Variants in PCDHA8 observed in about 807,000 individuals in gnomAD.
PCDHA8 encodes protocadherin alpha-8.
Under a neutral mutation model 61.8 loss-of-function variants are expected in PCDHA8, and 53 were observed. The ratio of observed to expected loss-of-function variants is 0.86; its 90% CI spans 0.69 to 1.08. PCDHA8 has a LOEUF of 1.08. PCDHA8 is among the 50% of genes least tolerant of loss of function. The pLI, the probability that PCDHA8 is intolerant of heterozygous loss-of-function variation, is 0.00. For synonymous variants in PCDHA8, 618 were observed against 556.6 expected (o/e 1.11, Z -1.55); for missense variants, 1,293 against 1,245.0 (o/e 1.04, Z -0.58).
chr5:140,982,120 T>C (rs1554243763), intron 2 of PCDHA8, among the ~76,000 whole-genome samples: 1 of 152,256 alleles, frequency 6.6e-6, no homozygotes, highest in Non-Finnish European at 1.5e-5. Context: ...CTTGGAACTT[T>C]TGAGAACAAG....
rs73793515 is a variant in PCDHA8 at position 140,889,833 on chromosome 5, T to C, written c.2394+46118T>C. ...TCAGGTCATAAGAAGTCTTACAGTA[T>C]GCTTTGGTCTCTGAGAATATTTGTT... On this transcript the variant is annotated intron_variant, in intron 1 of 3. Coordinates refer to ENST00000531613, the MANE Select transcript of PCDHA8 (RefSeq NM_018911.3). Among the ~76,000 whole-genome samples, 1,245 of 152,254 alleles carry C rather than the reference T, an allele frequency of 8.2e-3. 11 individuals are homozygous for C. The highest frequency in any genetic ancestry group is 0.029 in the African/African-American group (1,203 of 41,548).
At position 140,842,466 on chromosome 5, in the gene PCDHA8, A is replaced by G. The variant is rs1451214851; in HGVS notation, c.1145A>G (p.Asn382Ser). 6.2e-7 allele frequency: 1 copy of G among 1,613,794 alleles called. No individual in the cohort carries two copies. Among genetic ancestry groups the G allele is most frequent in the Non-Finnish European group, 8.5e-7 (1 of 1,179,854 alleles). ...GTGAACGACCTCGATTCAGGTGCCA[A>G]CGGGCAGGTGACCTGCTCCCTGATG... is the stretch of plus-strand genomic sequence containing the variant. ...ISVNDLDSGANGQVTCSLMPH... is the reference protein window; with the variant it reads ...ISVNDLDSGASGQVTCSLMPH... The change falls in exon 1 of 4, where the codon AAC (asparagine) becomes AGC (serine). Residue 382 changes from asparagine to serine, a missense_variant. Transcript: ENST00000531613.
chr5:140,926,825 G>T (rs937740656), intron 1 of PCDHA8: 2 of 1,499,696 alleles, frequency 1.3e-6, no homozygotes, highest in Admixed American at 4.7e-5. Flanking sequence ...CTCTCCAGGA[G>T]TCCGGAGCAT....
At position 140,936,850 on chromosome 5, in the gene PCDHA8, CTTCTCAGT is replaced by C. The variant is rs1421923207; in HGVS notation, c.2395-42094_2395-42087del. Among the ~76,000 whole-genome samples the C allele has an allele frequency of 3.1e-4, 47 of 152,208 alleles. 1 individual carries two copies. Among genetic ancestry groups the C allele is most frequent in the African/African-American group, 1.1e-3 (46 of 41,532 alleles). On this transcript the variant is annotated intron_variant, in intron 1 of 3. Coordinates refer to ENST00000531613, the MANE Select transcript of PCDHA8 (RefSeq NM_018911.3). ...ATTTCTATATAAATTGTAGATTCAG[CTTCTCAGT>C]TTCTATTTTAAAAAACCCTGCTTTG... is the stretch of plus-strand genomic sequence containing the variant.
intron 1 of PCDHA8, among the ~76,000 whole-genome samples, chr5:140,923,800 T>C (rs1235494729): frequency 2.0e-5 from 3 of 152,178 alleles, no homozygotes; most frequent in Non-Finnish European, 4.4e-5. Flanking sequence ...TTTTCACAAA[T>C]GAAATCTTCT....
chr5:140,890,434 T>C (rs1368664447), intron 1 of PCDHA8, among the ~76,000 whole-genome samples: 2 of 152,226 alleles, frequency 1.3e-5, no homozygotes, highest in Non-Finnish European at 2.9e-5. Flanking sequence ...ATATTTACAA[T>C]ACCTAGTGAT....
chr5:140,999,934 T>C (rs1236304987), intron 3 of PCDHA8, among the ~76,000 whole-genome samples: 1 of 152,068 alleles, frequency 6.6e-6, no homozygotes, highest in Non-Finnish European at 1.5e-5. Context: ...GCTCAACTCA[T>C]TCCACCCAAA....
chr5:140,886,884 A>C (rs903199967), intron 1 of PCDHA8, among the ~76,000 whole-genome samples: 9 of 151,846 alleles, frequency 5.9e-5, no homozygotes, highest in African/African-American at 1.9e-4. Flanking sequence ...AACATTCATT[A>C]ATTAAATGCA....
chr5:140,957,254 A>T (rs2095344725), intron 1 of PCDHA8, among the ~76,000 whole-genome samples: 1 of 152,192 alleles, frequency 6.6e-6, no homozygotes, highest in Non-Finnish European at 1.5e-5. Flanking sequence ...TAAAATTTAA[A>T]TATGTAAGCA....
intron 3 of PCDHA8, among the ~76,000 whole-genome samples, chr5:141,006,960 G>A (rs1183082923): frequency 6.6e-6 from 1 of 152,184 alleles, no homozygotes; most frequent in Non-Finnish European, 1.5e-5. Flanking sequence ...TTATACATGA[G>A]ATTGGAGCAC....
chr5:140,969,068 A>C (rs2096293164), intron 1 of PCDHA8: 2 of 1,614,046 alleles, frequency 1.2e-6, no homozygotes, highest in South Asian at 2.2e-5. Flanking sequence ...TGATGCCAGG[A>C]TACCGCATGG....
intron 1 of PCDHA8, among the ~76,000 whole-genome samples, chr5:140,915,722 A>G (rs559518429): frequency 1.3e-5 from 2 of 151,088 alleles, no homozygotes; most frequent in South Asian, 4.2e-4. Flanking sequence ...CCCACTTTGG[A>G]TTGTGCTGGG....
intron 1 of PCDHA8, chr5:140,867,695 C>T (rs1283173997): frequency 6.6e-6 from 1 of 151,790 alleles, no homozygotes; most frequent in African/African-American, 2.4e-5. Context: ...TCTTTTTTTC[C>T]TCCTAAATCC....
intron 1 of PCDHA8, among the ~76,000 whole-genome samples, chr5:140,878,662 C>G (rs1479409326): frequency 6.6e-6 from 1 of 152,194 alleles, no homozygotes; most frequent in African/African-American, 2.4e-5. Context: ...CCAGAGGCTT[C>G]TCTTTAACCA....
chr5:140,865,785 T>C (rs2049000599), intron 1 of PCDHA8: 1 of 152,188 alleles, frequency 6.6e-6, no homozygotes, highest in South Asian at 2.1e-4. Flanking sequence ...ATGTGTATCT[T>C]TCAGGCTTCA....
At chr5:140,925,994 G>C (rs1041576118) in intron 1 of PCDHA8, among the ~76,000 whole-genome samples, 1 of 152,138 alleles carries the variant, frequency 6.6e-6, no homozygotes, top group Non-Finnish European at 1.5e-5. Context: ...CGCTGGCTCC[G>C]CTGCCTCGAA....
In PCDHA8 at chr5:141,011,378, C is replaced by T. The variant is rs1419825590; in HGVS notation, c.*1441C>T. 1 of 153,742 alleles carries T rather than the reference C, an allele frequency of 6.5e-6. No individual in the cohort carries two copies. Among genetic ancestry groups the T allele is most frequent in the African/African-American group, 2.4e-5 (1 of 41,460 alleles). The allele number at this position is 153,742 out of a possible 1,614,324, so 9.5% of individuals were successfully genotyped here. Reference sequence around the variant, plus strand: ...ATGTATGCTGTATGCTATGCTAAGACTCCTGAAATATACTTACTCTGTGCT... The same window carrying T: ...ATGTATGCTGTATGCTATGCTAAGATTCCTGAAATATACTTACTCTGTGCT... On this transcript the variant is annotated 3_prime_UTR_variant, in exon 4 of 4. Coordinates refer to ENST00000531613, the MANE Select transcript of PCDHA8 (RefSeq NM_018911.3).
chr5:140,995,861 A>G (rs2097700846), intron 3 of PCDHA8, among the ~76,000 whole-genome samples: 1 of 152,220 alleles, frequency 6.6e-6, no homozygotes. Context: ...GTATCACTTA[A>G]TAATTGTGCA....
rs2042755048 is a variant in PCDHA8 at position 140,853,453 on chromosome 5, C to A, written c.2394+9738C>A. ...CTTTCCTATTTTGCCTAATAGGTCTCCTTATATGCATCTGTAGTTAACATT... is the reference window on the plus strand; with the variant it reads ...CTTTCCTATTTTGCCTAATAGGTCTACTTATATGCATCTGTAGTTAACATT... On this transcript the variant is annotated intron_variant, in intron 1 of 3. Coordinates refer to ENST00000531613, the MANE Select transcript of PCDHA8 (RefSeq NM_018911.3). 4 of 976,644 alleles carry A rather than the reference C, an allele frequency of 4.1e-6. 1 individual carries two copies. The Admixed American group carries it at 2.5e-4, about 62-fold the overall frequency. 60.5% of individuals were successfully genotyped at this position (976,644 alleles called of 1,614,324 possible). A position where few individuals can be genotyped will look rare whatever the true frequency, so the allele number is the denominator to read the frequency against.
Sources: allele counts gnomAD v4.1 joint callset (sites outside exome capture counted in the v4.1 genomes callset), GRCh38; gene constraint gnomAD v4.1.1; transcripts MANE v1.5; gene names NCBI Gene and HGNC (gene_info 2026-07-23, HGNC 2026-07-21).